Variants in MGST1 observed in about 807,000 individuals in gnomAD.
MGST1 encodes the protein microsomal glutathione S-transferase 1, also known as glutathione S-transferase 12.
A neutral mutation model predicts 8.9 loss-of-function variants in MGST1; 5 were observed. The ratio of observed to expected loss-of-function variants is 0.56; its 90% CI spans 0.29 to 1.19. The LOEUF is 1.19. Ranked by LOEUF, MGST1 falls within the 50% of genes most tolerant of loss-of-function variation. The probability of loss-of-function intolerance (pLI) is 0.08; values close to 1 mark genes in which losing one functional copy is unlikely to be tolerated. For synonymous variants in MGST1, 54 were observed against 67.8 expected (o/e 0.80, Z 1.00); for missense variants, 182 against 187.4 (o/e 0.97, Z 0.17).
chr12:16,523,383 G>A (rs34504400), intron 4 of MGST1, among the ~76,000 whole-genome samples: 34,396 of 151,912 alleles, frequency 0.23, 5,054 homozygotes, highest in Non-Finnish European at 0.32. Context: ...TTTTCTAGGT[G>A]TAAAATATAT....
At chr12:16,439,857 G>A (rs1274981677), downstream of MGST1, among the ~76,000 whole-genome samples, 1 of 151,468 alleles carries the variant, frequency 6.6e-6, no homozygotes, top group East Asian at 2.0e-4. Context: ...CATCTATCTG[G>A]AATATCAAGT....
intron 4 of MGST1, among the ~76,000 whole-genome samples, chr12:16,565,207 A>C (rs1390572278): frequency 6.6e-6 from 1 of 152,242 alleles, no homozygotes. Flanking sequence ...GAAGACTATG[A>C]AATTGCAATC....
At chr12:16,502,852 A>C (rs1941513467) in intron 4 of MGST1, among the ~76,000 whole-genome samples, 2 of 152,230 alleles carry the variant, frequency 1.3e-5, no homozygotes, top group African/African-American at 2.4e-5. Flanking sequence ...CTATGGGAAC[A>C]GAAATTTAGT....
At chr12:16,441,903 C>T (rs970617892), downstream of MGST1, among the ~76,000 whole-genome samples, 1 of 151,766 alleles carries the variant, frequency 6.6e-6, no homozygotes, top group Non-Finnish European at 1.5e-5. Flanking sequence ...TGGAAGCTGC[C>T]AAACTGTCTT....
intron 2 of MGST1, among the ~76,000 whole-genome samples, chr12:16,355,829 G>A (rs541185560): frequency 1.1e-4 from 16 of 152,304 alleles, no homozygotes; most frequent in African/African-American, 3.6e-4. Flanking sequence ...TTAAGTAGCT[G>A]TCTGAGTCCC....
Position 16,364,250 on chromosome 12 carries a change from TG to T in MGST1, c.*210del, listed in dbSNP as rs35098979. 9.6e-3 allele frequency: 11,960 copies of T among 1,246,670 alleles called. 70 individuals are homozygous for T. The highest frequency in any genetic ancestry group is 0.013 in the Middle Eastern group (40 of 3,152). 77.2% of individuals were successfully genotyped at this position (1,246,670 alleles called of 1,614,324 possible). Reference sequence around the variant, plus strand: ...TTAACATAGTAATTCTTAAGTCTTTTGTCTGATTTTTAAAGTACTTTCTTAT... The same window carrying T: ...TTAACATAGTAATTCTTAAGTCTTTTTCTGATTTTTAAAGTACTTTCTTAT... On this transcript the variant is annotated 3_prime_UTR_variant, in exon 4 of 4. Transcript: ENST00000396210. The surrounding 1 kb of genome is among the most constrained non-coding windows in gnomAD (Gnocchi z 5.7).
chr12:16,525,642 C>G (rs1246356450), intron 4 of MGST1, among the ~76,000 whole-genome samples: 1 of 146,356 alleles, frequency 6.8e-6, no homozygotes, highest in Non-Finnish European at 1.5e-5. Flanking sequence ...GATTTATAGT[C>G]CTTTGGGTAT....
intron 1 of MGST1, among the ~76,000 whole-genome samples, chr12:16,398,536 C>G (rs1940625675): frequency 6.6e-6 from 1 of 152,170 alleles, no homozygotes; most frequent in Non-Finnish European, 1.5e-5. Flanking sequence ...TGAGGCACAA[C>G]CATTCTTCCT....
intron 4 of MGST1, among the ~76,000 whole-genome samples, chr12:16,539,139 T>C (rs7305139): frequency 0.47 from 70,731 of 151,956 alleles, 16,930 homozygotes; most frequent in Admixed American, 0.57. Flanking sequence ...AGCCAAACCA[T>C]ATCAGACAAC....
chr12:16,467,234 A>G (rs1476655315), intron 4 of MGST1, among the ~76,000 whole-genome samples: 2 of 152,198 alleles, frequency 1.3e-5, no homozygotes, highest in Non-Finnish European at 2.9e-5. Context: ...TACTACTTAT[A>G]CATGTAACAA....
chr12:16,442,683 C>A (rs1941048476), downstream of MGST1, among the ~76,000 whole-genome samples: 2 of 151,770 alleles, frequency 1.3e-5, no homozygotes, highest in African/African-American at 4.8e-5. The surrounding 1 kb of genome is among the most constrained non-coding windows in gnomAD (Gnocchi z 4.5). Flanking sequence ...ACCACAATGT[C>A]TTGATTATTG....
intron 1 of MGST1, among the ~76,000 whole-genome samples, chr12:16,403,978 A>G (rs1242024689): frequency 1.3e-5 from 2 of 152,202 alleles, no homozygotes; most frequent in Non-Finnish European, 2.9e-5. Flanking sequence ...AAGCCTAATT[A>G]TATCAATGCT....
intron 3 of MGST1, among the ~76,000 whole-genome samples, 179 bp downstream of exon 3, chr12:16,357,878 C>T (rs1939795823): frequency 6.6e-6 from 1 of 152,072 alleles, no homozygotes; most frequent in Admixed American, 6.5e-5. Context: ...GTATGTGTTG[C>T]CAATTTGGCA....
chr12:16,566,855 A>C (rs1591787280), intron 4 of MGST1, among the ~76,000 whole-genome samples: 1 of 152,282 alleles, frequency 6.6e-6, no homozygotes, highest in East Asian at 1.9e-4. Context: ...CTGAATGAAA[A>C]GGAAAGAGAA....
intron 4 of MGST1, among the ~76,000 whole-genome samples, chr12:16,448,207 CATT>C (rs1941097783): frequency 6.6e-6 from 1 of 151,836 alleles, no homozygotes; most frequent in Non-Finnish European, 1.5e-5. Flanking sequence ...TTTATTTAAA[CATT>C]ATTGTCCTTC....
At chr12:16,351,468 A>G (rs1939461655) in intron 1 of MGST1, among the ~76,000 whole-genome samples, 1 of 152,152 alleles carries the variant, frequency 6.6e-6, no homozygotes, top group South Asian at 2.1e-4. Context: ...TTGCGCATGT[A>G]GTTTCTGTTT....
chr12:16,400,884 G>GT, intron 1 of MGST1: 2 of 1,184,452 alleles, frequency 1.7e-6, no homozygotes, highest in Middle Eastern at 1.9e-4. Context: ...AGAGATGGGT[G>GT]TTTATAGGAC....
In MGST1 at chr12:16,537,691, G is replaced by C. The variant is rs981329775; in HGVS notation, n.483-51837G>C. ...ACCATGTGAAAGGTGCCAAGGTTTG[G>C]AGTTTGCACCCTCTCAAACCATGAG... On this transcript the variant is annotated intron_variant and non_coding_transcript_variant, in intron 4 of 4. Coordinates refer to the MGST1 transcript ENST00000538857. This position sits in a 1 kb window ranked among gnomAD's most constrained non-coding sequence, Gnocchi z 4.6. 6.6e-6 allele frequency among the ~76,000 whole-genome samples: 1 copy of C among 152,180 alleles called. No homozygotes were observed. Among genetic ancestry groups the C allele is most frequent in the Non-Finnish European group, 1.5e-5 (1 of 68,024 alleles).
chr12:16,352,610 A>G (rs1337418897), intron 1 of MGST1, among the ~76,000 whole-genome samples: 1 of 152,204 alleles, frequency 6.6e-6, no homozygotes, highest in Admixed American at 6.5e-5. Flanking sequence ...CTAAGTTCCT[A>G]CCTGTTTTGA....
Sources: allele counts gnomAD v4.1 joint callset (sites outside exome capture counted in the v4.1 genomes callset), GRCh38; gene constraint gnomAD v4.1.1; non-coding constraint Gnocchi (gnomAD v3.1); transcripts MANE v1.5; gene names NCBI Gene and HGNC (gene_info 2026-07-23, HGNC 2026-07-21).